The following ZBTB20 variants were observed in gnomAD, a reference collection of about 807,000 sequenced individuals.
ZBTB20 encodes zinc finger and BTB domain-containing protein 20.
In ZBTB20, 9 loss-of-function variants were observed where a neutral mutation model predicts 56.9. The ratio of observed to expected loss-of-function variants is 0.16; its 90% CI spans 0.10 to 0.28. ZBTB20 has a LOEUF of 0.28. Ranked by LOEUF, ZBTB20 falls within the 10% of genes least tolerant of loss-of-function variation. The pLI, the probability that ZBTB20 is intolerant of heterozygous loss-of-function variation, is 1.00. For synonymous variants in ZBTB20, 417 were observed against 420.7 expected (o/e 0.99, Z 0.11); for missense variants, 655 against 1,003.0 (o/e 0.65, Z 4.69).
chr3:114,512,918 T>C (rs781233108), intron 6 of ZBTB20, among the ~76,000 whole-genome samples: 3 of 152,138 alleles, frequency 2.0e-5, no homozygotes, highest in Non-Finnish European at 4.4e-5. Flanking sequence ...CAGAGGACCA[T>C]AATCTAGCTC....
At chr3:114,344,088 G>A (rs564492344) in intron 11 of ZBTB20, among the ~76,000 whole-genome samples, 4 of 152,226 alleles carry the variant, frequency 2.6e-5, no homozygotes, top group African/African-American at 9.6e-5. Flanking sequence ...AGATATCAGC[G>A]GTGTGATTGC....
chr3:114,981,259 T>C (rs948817381), intron 2 of ZBTB20, among the ~76,000 whole-genome samples: 2 of 151,982 alleles, frequency 1.3e-5, no homozygotes, highest in Non-Finnish European at 2.9e-5. Flanking sequence ...AAAAGGAGAA[T>C]GTTTGAAGTT....
chr3:114,896,845 A>C (rs1382882242), intron 4 of ZBTB20, among the ~76,000 whole-genome samples: 2 of 152,122 alleles, frequency 1.3e-5, no homozygotes, highest in Non-Finnish European at 2.9e-5. Context: ...TAGATTCAGT[A>C]CATTGCTTCA....
At chr3:114,481,147 G>C (rs55813248) in intron 7 of ZBTB20, among the ~76,000 whole-genome samples, 1 of 151,756 alleles carries the variant, frequency 6.6e-6, no homozygotes, top group Non-Finnish European at 1.5e-5. Flanking sequence ...AATGGCTTAA[G>C]TATATATTTT....
At chr3:114,494,289 T>C (rs1203556901) in intron 7 of ZBTB20, among the ~76,000 whole-genome samples, 4 of 152,228 alleles carry the variant, frequency 2.6e-5, no homozygotes, top group Non-Finnish European at 5.9e-5. Context: ...CTTGTAACTT[T>C]TGAGACTCTG....
At chr3:114,873,169 C>A (rs2076069517) in intron 4 of ZBTB20, 1 of 152,032 alleles carries the variant, frequency 6.6e-6, no homozygotes, top group African/African-American at 2.4e-5. Context: ...ATCATGTTAT[C>A]CTGTGTGAGT....
At chr3:114,657,809 T>C (rs1429627814) in intron 6 of ZBTB20, among the ~76,000 whole-genome samples, 1 of 152,172 alleles carries the variant, frequency 6.6e-6, no homozygotes, top group Non-Finnish European at 1.5e-5. Context: ...TGTTTTTTTT[T>C]TAAGTTTTTA....
intron 3 of ZBTB20, among the ~76,000 whole-genome samples, chr3:114,902,755 T>G (rs2075171235): frequency 6.6e-6 from 1 of 152,144 alleles, no homozygotes; most frequent in Non-Finnish European, 1.5e-5. Flanking sequence ...ATAAAACACA[T>G]GCACAATTAT....
chr3:114,494,509 C>T (rs927771097), intron 7 of ZBTB20, among the ~76,000 whole-genome samples: 4 of 152,202 alleles, frequency 2.6e-5, no homozygotes, highest in African/African-American at 9.7e-5. Context: ...ACACTGCTTT[C>T]CTCTTGTCTC....
At chr3:114,911,701 T>C (rs530640544) in intron 3 of ZBTB20, among the ~76,000 whole-genome samples, 2 of 151,850 alleles carry the variant, frequency 1.3e-5, no homozygotes, top group African/African-American at 2.4e-5. Context: ...GACAGGTAAT[T>C]TGAAATTACC....
intron 11 of ZBTB20, among the ~76,000 whole-genome samples, chr3:114,349,623 C>T (rs563442555): frequency 6.6e-6 from 1 of 152,300 alleles, no homozygotes; most frequent in South Asian, 2.1e-4. Context: ...AAAGGATCTC[C>T]TGATAGCATC....
intron 1 of ZBTB20, among the ~76,000 whole-genome samples, chr3:115,111,045 T>TAAATAAAA (rs1354576673): frequency 1.5e-5 from 2 of 131,534 alleles, no homozygotes; most frequent in African/African-American, 2.8e-5. Context: ...AATAAATAAA[T>TAAATAAAA]AAAAATAAAA....
intron 1 of ZBTB20, among the ~76,000 whole-genome samples, chr3:115,077,752 T>C (rs1037961432): frequency 3.9e-5 from 6 of 152,176 alleles, no homozygotes; most frequent in African/African-American, 1.4e-4. Context: ...GATGAGGATG[T>C]AGAGAAATTT....
chr3:115,098,212 G>T (rs914974034), intron 1 of ZBTB20, among the ~76,000 whole-genome samples: 1 of 152,122 alleles, frequency 6.6e-6, no homozygotes, highest in Non-Finnish European at 1.5e-5. Flanking sequence ...ACATGCACAT[G>T]TATGCACAGA....
At chr3:114,725,121 T>G (rs2065176571) in intron 5 of ZBTB20, among the ~76,000 whole-genome samples, 1 of 152,198 alleles carries the variant, frequency 6.6e-6, no homozygotes, top group South Asian at 2.1e-4. Flanking sequence ...CCCAAATAAC[T>G]ACAGTGTGGC....
chr3:115,043,865 G>A (rs970810135), intron 2 of ZBTB20, among the ~76,000 whole-genome samples: 1 of 152,130 alleles, frequency 6.6e-6, no homozygotes, highest in African/African-American at 2.4e-5. Context: ...AGGAGGGCCT[G>A]GTGGGAGGTG....
chr3:114,556,771 TGAGAA>T (rs1313140120), intron 6 of ZBTB20, among the ~76,000 whole-genome samples: 6 of 152,038 alleles, frequency 3.9e-5, no homozygotes, highest in African/African-American at 9.7e-5. Context: ...GACACTTTCC[TGAGAA>T]GAGAAATTTA....
At chr3:114,623,566 G>A (rs1274268) in intron 6 of ZBTB20, among the ~76,000 whole-genome samples, 70,063 of 151,898 alleles carry the variant, frequency 0.46, 18,435 homozygotes, top group African/African-American at 0.72. Context: ...GTTCCCTAAC[G>A]TTTAAAAGCA....
At chr3:114,393,016 G>T (rs1376353137) in intron 7 of ZBTB20, among the ~76,000 whole-genome samples, 2 of 152,192 alleles carry the variant, frequency 1.3e-5, no homozygotes, top group Non-Finnish European at 2.9e-5. Context: ...CCAGGTGAGC[G>T]CTTGACTCAC....
Sources: gnomAD v4.1 joint callset for allele counts (sites outside exome capture counted in the v4.1 genomes callset) on GRCh38, gnomAD v4.1.1 for gene constraint, MANE v1.5 for transcripts, NCBI Gene and HGNC (gene_info 2026-07-23, HGNC 2026-07-21) for gene names.